The following BICC1 variants were observed in gnomAD, a reference collection of about 807,000 sequenced individuals.
BICC1 encodes the protein protein bicaudal C homolog 1.
In BICC1, 43 loss-of-function variants were observed where a neutral mutation model predicts 111.0. The observed-to-expected ratio is 0.39, with a 90% confidence interval of 0.30 to 0.50. BICC1 has a LOEUF of 0.50. BICC1 is among the 20% of genes least tolerant of loss of function. The pLI is 0.88. For missense variants in BICC1, 1,091 were observed against 1,203.2 expected (o/e 0.91, Z 1.38); for synonymous variants, 467 against 434.4 (o/e 1.07, Z -0.93).
chr10:58,604,396 G>A (rs11006202), intron 1 of BICC1, among the ~76,000 whole-genome samples: 44,144 of 152,078 alleles, frequency 0.29, 6,729 homozygotes, highest in East Asian at 0.45. Flanking sequence ...GCGGCTGGGC[G>A]TGGTGGCTCA....
chr10:58,762,709 A>G lies in BICC1; in HGVS notation c.308-22292A>G, dbSNP rs577931969. ...TACATGACATTAAGCTTCTGTACAC[A>G]CTCTTTTCAAAATTTTCTTTACATG... On this transcript the variant is annotated intron_variant, in intron 3 of 20. Coordinates refer to ENST00000373886, the MANE Select transcript of BICC1 (RefSeq NM_001080512.3). Among the ~76,000 whole-genome samples the G allele has an allele frequency of 3.3e-5, 5 of 152,120 alleles. No individual in the cohort carries two copies. The East Asian group carries it at 5.8e-4, about 18-fold the overall frequency.
chr10:58,709,576 G>A (rs1840508189), intron 3 of BICC1, among the ~76,000 whole-genome samples: 1 of 152,166 alleles, frequency 6.6e-6, no homozygotes, highest in Non-Finnish European at 1.5e-5. Flanking sequence ...TGTAGATTGA[G>A]CCCTCAACTC....
chr10:58,716,299 A>C (rs1464518498), intron 3 of BICC1: 1 of 1,476,892 alleles, frequency 6.8e-7, no homozygotes, highest in African/African-American at 1.4e-5. Context: ...CATTAAGAAA[A>C]ATCAGGATTC....
At chr10:58,778,614 G>A (rs1842807556) in intron 3 of BICC1, among the ~76,000 whole-genome samples, 1 of 152,160 alleles carries the variant, frequency 6.6e-6, no homozygotes, top group African/African-American at 2.4e-5. Context: ...AGAAGAATGA[G>A]GGGGAGTTCA....
At chr10:58,591,225 T>C (rs74955241) in intron 1 of BICC1, among the ~76,000 whole-genome samples, 1 of 152,236 alleles carries the variant, frequency 6.6e-6, no homozygotes, top group East Asian at 1.9e-4. Flanking sequence ...GATATTCTTC[T>C]CCACAAGTGT....
chr10:58,683,192 T>G (rs1253893643), intron 2 of BICC1, among the ~76,000 whole-genome samples: 4 of 152,216 alleles, frequency 2.6e-5, no homozygotes, highest in Admixed American at 2.6e-4. Flanking sequence ...CAGATGGTTG[T>G]AGATGTGTGG....
intron 4 of BICC1, 95 bp from the exon 5 acceptor site, chr10:58,786,828 C>A: frequency 1.1e-6 from 1 of 910,788 alleles, no homozygotes; most frequent in Non-Finnish European, 1.5e-6. Flanking sequence ...CACTGACTTG[C>A]TTTTTGTTAA....
At chr10:58,784,389 T>G (rs1231189161) in intron 3 of BICC1, among the ~76,000 whole-genome samples, 2 of 152,204 alleles carry the variant, frequency 1.3e-5, no homozygotes, top group Admixed American at 1.3e-4. Flanking sequence ...TCTGGATAAA[T>G]ATTGAATTAA....
intron 1 of BICC1, among the ~76,000 whole-genome samples, chr10:58,568,524 C>A (rs1174649583): frequency 6.6e-6 from 1 of 152,120 alleles, no homozygotes; most frequent in African/African-American, 2.4e-5. Flanking sequence ...AAACTGAGAA[C>A]TCCTTCTGGC....
At chr10:58,600,856 A>G (rs191849740) in intron 1 of BICC1, among the ~76,000 whole-genome samples, 17 of 152,154 alleles carry the variant, frequency 1.1e-4, no homozygotes, top group Admixed American at 7.2e-4. Context: ...TACATGTAAC[A>G]TAGAAAATAT....
chr10:58,598,208 TG>T (rs1844894717), intron 1 of BICC1, among the ~76,000 whole-genome samples: 2 of 152,092 alleles, frequency 1.3e-5, no homozygotes, highest in South Asian at 4.1e-4. Context: ...AAGACAGTCC[TG>T]GGCAAGAAGA....
intron 5 of BICC1, among the ~76,000 whole-genome samples, chr10:58,787,798 A>C (rs536847578): frequency 1.3e-5 from 2 of 152,240 alleles, no homozygotes; most frequent in African/African-American, 4.8e-5. Flanking sequence ...AATATTTAAA[A>C]ACTGGTACGG....
intron 2 of BICC1, among the ~76,000 whole-genome samples, chr10:58,640,354 A>G (rs984145685): frequency 1.3e-5 from 2 of 152,224 alleles, no homozygotes; most frequent in African/African-American, 4.8e-5. Flanking sequence ...GTTTACCTAT[A>G]AACAGGTAGG....
intron 2 of BICC1, among the ~76,000 whole-genome samples, chr10:58,695,753 A>G (rs1291633753): frequency 6.6e-6 from 1 of 152,220 alleles, no homozygotes; most frequent in Non-Finnish European, 1.5e-5. Flanking sequence ...AACCTGCGAC[A>G]TATATGGTTT....
Position 58,757,735 on chromosome 10 carries a change from A to G in BICC1, c.308-27266A>G, listed in dbSNP as rs1054327456. The stretch of plus-strand genomic sequence containing the variant: ...ATAACTTCCTTCAGTGATTATTTGT[A>G]TGTTTAGGTTGTTCTTGGGTAAACT... On this transcript the variant is annotated intron_variant, in intron 3 of 20. Transcript: ENST00000373886. Among the ~76,000 whole-genome samples the G allele has an allele frequency of 3.3e-5, 5 of 152,174 alleles. No individual in the cohort carries two copies. The East Asian group carries it at 9.6e-4, about 29-fold the overall frequency.
chr10:58,579,480 G>C (rs548055729), intron 1 of BICC1, among the ~76,000 whole-genome samples: 1 of 152,204 alleles, frequency 6.6e-6, no homozygotes, highest in East Asian at 1.9e-4. Context: ...AACAATCCAC[G>C]TGTCACCATG....
At chr10:58,702,240 C>G (rs1181197119) in intron 3 of BICC1, 97 bp downstream of exon 3, 1 of 834,222 alleles carries the variant, frequency 1.2e-6, no homozygotes, top group East Asian at 2.8e-5. Flanking sequence ...TTATTCTTAA[C>G]ACTTTTGTCC....
chr10:58,693,382 G>A (rs1256737057), intron 2 of BICC1, among the ~76,000 whole-genome samples: 1 of 151,788 alleles, frequency 6.6e-6, no homozygotes, highest in Non-Finnish European at 1.5e-5. Flanking sequence ...ACCCAGTAAT[G>A]GGATGGCTGG....
intron 3 of BICC1, among the ~76,000 whole-genome samples, chr10:58,774,666 T>C (rs1459760613): frequency 6.6e-6 from 1 of 152,236 alleles, no homozygotes; most frequent in African/African-American, 2.4e-5. Flanking sequence ...TGATCCTTCA[T>C]TGATATTTCC....
Sources: gnomAD v4.1 joint callset for allele counts (sites outside exome capture counted in the v4.1 genomes callset) on GRCh38, gnomAD v4.1.1 for gene constraint, MANE v1.5 for transcripts, NCBI Gene and HGNC (gene_info 2026-07-23, HGNC 2026-07-21) for gene names.